The following SNTB1 variants were observed in gnomAD, a reference collection of about 807,000 sequenced individuals.
SNTB1 encodes the protein syntrophin beta 1.
Under a neutral mutation model 48.9 loss-of-function variants are expected in SNTB1, and 36 were observed. That is an observed-to-expected ratio of 0.74 (90% CI 0.56 to 0.97). SNTB1 has a LOEUF of 0.97. Among genes scored for constraint, SNTB1 ranks in the 50% least tolerant of loss-of-function variants. The pLI is 0.00. For missense variants in SNTB1, 786 were observed against 703.4 expected, an observed-to-expected ratio of 1.12 and a Z score of -1.33; for synonymous variants, 299 against 294.6, an observed-to-expected ratio of 1.01 and a Z score of -0.15.
At chr8:120,571,979 C>A (rs1229976999) in intron 4 of SNTB1, among the ~76,000 whole-genome samples, 1 of 152,150 alleles carries the variant, frequency 6.6e-6, no homozygotes, top group Non-Finnish European at 1.5e-5. Context: ...CCAATAATTT[C>A]CATCTTTAGC....
At chr8:120,560,623 A>G (rs979112881) in intron 4 of SNTB1, among the ~76,000 whole-genome samples, 1 of 152,248 alleles carries the variant, frequency 6.6e-6, no homozygotes, top group African/African-American at 2.4e-5. Flanking sequence ...ACAGGTGAAT[A>G]AGCAGCAAAA....
At chr8:120,660,087 T>A (rs7015906) in intron 2 of SNTB1, among the ~76,000 whole-genome samples, 89,735 of 152,016 alleles carry the variant, frequency 0.59, 26,640 homozygotes, top group South Asian at 0.71. Context: ...AGGTTCAGCA[T>A]AATATCTTGT....
Position 120,811,541 on chromosome 8 carries a change from C to G in SNTB1, c.303G>C (p.Gln101His). ...VRTAFTDLPE[Q>H]VPESISNQKR... ...TCTGGTTCGAGATGGACTCGGGCAC[C>G]TGCTCGGGCAGGTCGGTGAAAGCGG... is the stretch of plus-strand genomic sequence containing the variant. The change falls in exon 1 of 7, where the codon CAG (glutamine) becomes CAC (histidine). Residue 101 changes from glutamine (Q) to histidine (H), a missense_variant. By Grantham distance (24) the Gln-to-His change is conservative. Coordinates refer to ENST00000517992, the MANE Select transcript of SNTB1 (RefSeq NM_021021.4). The G allele has an allele frequency of 6.2e-7, 1 of 1,606,688 alleles. No homozygotes were observed. Among genetic ancestry groups the G allele is most frequent in the Non-Finnish European group, 8.5e-7 (1 of 1,176,590 alleles).
intron 2 of SNTB1, among the ~76,000 whole-genome samples, chr8:120,645,441 T>G (rs1817275003): frequency 6.6e-6 from 1 of 151,222 alleles, no homozygotes; most frequent in Non-Finnish European, 1.5e-5. Flanking sequence ...CATTGCTTGT[T>G]TTTCTCAGGT....
chr8:120,604,522 C>T (rs527280276), intron 3 of SNTB1, among the ~76,000 whole-genome samples: 33 of 149,656 alleles, frequency 2.2e-4, no homozygotes, highest in East Asian at 2.0e-3. Context: ...GGTGTGATCT[C>T]GACTCACTGC....
In SNTB1 at chr8:120,811,681, C is replaced by A. The variant is rs1412826394; in HGVS notation, c.163G>T (p.Ala55Ser). 1.3e-6 allele frequency: 2 copies of A among 1,590,390 alleles called. No homozygotes were observed. Among genetic ancestry groups the A allele is most frequent in the South Asian group, 2.3e-5 (2 of 88,756 alleles). The change falls in exon 1 of 7, where the codon GCG (alanine) becomes TCG (serine). Residue 55 changes from alanine (A) to serine (S), a missense_variant. Physicochemically the swap from Ala to Ser is moderately conservative, Grantham distance 99. Coordinates refer to ENST00000517992, the MANE Select transcript of SNTB1 (RefSeq NM_021021.4). The part of the protein sequence containing the change: ...ALVLSSEEGA[A>S]AYNGIGTATN... ...GCGGTCCCGATGCCGTTGTACGCCG[C>A]AGCGCCCTCCTCGCTGCTCAGAACC...
intron 5 of SNTB1, among the ~76,000 whole-genome samples, chr8:120,548,445 A>C (rs1209698468): frequency 6.6e-6 from 1 of 152,188 alleles, no homozygotes; most frequent in East Asian, 1.9e-4. Context: ...GTTTGTAACC[A>C]AGAGCACTAC....
chr8:120,738,662 G>T (rs1818992460), intron 1 of SNTB1, among the ~76,000 whole-genome samples: 1 of 151,436 alleles, frequency 6.6e-6, no homozygotes, highest in Non-Finnish European at 1.5e-5. Context: ...TGTTACTGGA[G>T]GTTATCAACC....
At chr8:120,618,007 C>T (rs993637242) in intron 3 of SNTB1, among the ~76,000 whole-genome samples, 1 of 152,142 alleles carries the variant, frequency 6.6e-6, no homozygotes, top group Non-Finnish European at 1.5e-5. Flanking sequence ...ATTTAGTGCT[C>T]TAGCCACCTA....
chr8:120,786,463 A>C (rs1461511659), intron 1 of SNTB1, among the ~76,000 whole-genome samples: 6 of 152,174 alleles, frequency 3.9e-5, no homozygotes, highest in Non-Finnish European at 5.9e-5. Flanking sequence ...CTTGCCCACC[A>C]CTGCAGACAC....
chr8:120,636,050 CT>C (rs879263513), intron 2 of SNTB1: 10,271 of 801,684 alleles, frequency 0.013, 1 homozygote, highest in South Asian at 0.018. Context: ...GAACTCAAGG[CT>C]TTTTTTTTTA....
intron 3 of SNTB1, among the ~76,000 whole-genome samples, chr8:120,621,088 T>A (rs1816787393): frequency 1.3e-5 from 2 of 152,092 alleles, no homozygotes; most frequent in South Asian, 4.2e-4. Flanking sequence ...GCCTCCCAAG[T>A]AGCTGGGATT....
chr8:120,738,550 T>A (rs1007121859), intron 1 of SNTB1, among the ~76,000 whole-genome samples: 1 of 126,352 alleles, frequency 7.9e-6, no homozygotes, highest in Non-Finnish European at 1.6e-5. Context: ...CCTTCTTTCC[T>A]TCCTTCCTTC....
chr8:120,565,525 C>T (rs187052469), intron 4 of SNTB1, among the ~76,000 whole-genome samples: 64 of 152,124 alleles, frequency 4.2e-4, no homozygotes, highest in African/African-American at 1.5e-3. Flanking sequence ...CACTATGCAG[C>T]CATGAAAATA....
At chr8:120,696,713 T>A (rs1363770929) in intron 1 of SNTB1, among the ~76,000 whole-genome samples, 1 of 152,230 alleles carries the variant, frequency 6.6e-6, no homozygotes, top group East Asian at 1.9e-4. Flanking sequence ...ACATAGGTGA[T>A]CCCTTGTAGG....
At chr8:120,591,464 G>A (rs1032444013) in intron 3 of SNTB1, among the ~76,000 whole-genome samples, 1 of 152,032 alleles carries the variant, frequency 6.6e-6, no homozygotes, top group Non-Finnish European at 1.5e-5. Flanking sequence ...ATAGCGACCC[G>A]GGACCTCCTT....
chr8:120,700,163 GTGTGTGTGTGTGTGTT>G (rs901151482), intron 1 of SNTB1, among the ~76,000 whole-genome samples: 37 of 150,910 alleles, frequency 2.5e-4, no homozygotes, highest in African/African-American at 8.2e-4. Flanking sequence ...TTGCGTGTGT[GTGTGTGTGTGTGTGTT>G]TGTGTGTGTG....
chr8:120,711,841 T>C (rs943486743), intron 1 of SNTB1, among the ~76,000 whole-genome samples: 2 of 152,186 alleles, frequency 1.3e-5, no homozygotes, highest in African/African-American at 4.8e-5. Context: ...GAGTAGTATA[T>C]ATTGTTTGTC....
At chr8:120,627,096 G>A (rs1816895824) in intron 3 of SNTB1, among the ~76,000 whole-genome samples, 1 of 152,148 alleles carries the variant, frequency 6.6e-6, no homozygotes, top group Non-Finnish European at 1.5e-5. Context: ...TAACAGAGGT[G>A]CCATGGCCAA....
Sources: allele counts gnomAD v4.1 joint callset (sites outside exome capture counted in the v4.1 genomes callset), GRCh38; gene constraint gnomAD v4.1.1; transcripts MANE v1.5; gene names NCBI Gene and HGNC (gene_info 2026-07-23, HGNC 2026-07-21).